Variants in PCDHA7 observed in about 807,000 individuals in gnomAD.
The protein encoded by PCDHA7 is protocadherin alpha-7.
A neutral mutation model predicts 57.2 loss-of-function variants in PCDHA7; 37 were observed. The ratio of observed to expected loss-of-function variants is 0.65; its 90% CI spans 0.50 to 0.85. PCDHA7 has a LOEUF of 0.85. Ranked by LOEUF, PCDHA7 falls within the 40% of genes least tolerant of loss-of-function variation. The pLI, the probability that PCDHA7 is intolerant of heterozygous loss-of-function variation, is 0.00. For synonymous variants in PCDHA7, 553 were observed against 558.8 expected, an observed-to-expected ratio of 0.99 and a Z score of 0.15; for missense variants, 1,188 against 1,241.8, an observed-to-expected ratio of 0.96 and a Z score of 0.65.
intron 1 of PCDHA7, among the ~76,000 whole-genome samples, chr5:140,855,209 T>C (rs951600231): frequency 6.7e-6 from 1 of 149,880 alleles, no homozygotes; most frequent in Non-Finnish European, 1.5e-5. Flanking sequence ...TAGTTTCCAT[T>C]TATGAAGCAC....
rs2150226372 is a variant in PCDHA7 at position 140,834,777 on chromosome 5, G to A, written c.394G>A (p.Val132Met). ...EVKDINDNPP[V>M]FPATQRNLFI... Reference sequence around the variant, plus strand: ...GAAGGACATTAACGACAACCCTCCGGTGTTCCCAGCGACACAAAGGAATCT... The same window carrying A: ...GAAGGACATTAACGACAACCCTCCGATGTTCCCAGCGACACAAAGGAATCT... The change falls in exon 1 of 4, where the codon GTG (valine) becomes ATG (methionine). Residue 132 changes from valine to methionine, a missense_variant. Val to Met is a conservative substitution (Grantham distance 21). Around this residue, in one of 3 missense-constraint regions of PCDHA7, gnomAD observed 194 missense variants for 185.8 expected, o/e 1.04. Transcript: ENST00000525929. The A allele has an allele frequency of 6.2e-7, 1 of 1,613,920 alleles. No individual in the cohort carries two copies. The highest frequency in any genetic ancestry group is 1.7e-5 in the Admixed American group (1 of 59,962).
At chr5:140,853,682 A>C in intron 1 of PCDHA7, 5 of 988,426 alleles carry the variant, frequency 5.1e-6, no homozygotes, top group Non-Finnish European at 6.1e-6. Context: ...TGGTCAACCT[A>C]TCCTTAGACC....
Position 140,856,558 on chromosome 5 carries a change from A to C in PCDHA7, c.2355+19820A>C, listed in dbSNP as rs372031038. ...GAGAGAACGCATTGCTTACTTACAAACTCAGTCCAAATGAGTATTTTGTTC... is the reference window on the plus strand; with the variant it reads ...GAGAGAACGCATTGCTTACTTACAACCTCAGTCCAAATGAGTATTTTGTTC... On this transcript the variant is annotated intron_variant, in intron 1 of 3. Coordinates refer to ENST00000525929, the MANE Select transcript of PCDHA7 (RefSeq NM_018910.3). The C allele has an allele frequency of 1.3e-5, 21 of 1,598,088 alleles. 2 individuals are homozygous for C. The East Asian group carries it at 1.8e-4, about 14-fold the overall frequency.
At position 140,871,619 on chromosome 5, in the gene PCDHA7, A is replaced by G. The variant is rs1214249274; in HGVS notation, c.2355+34881A>G. ...ACCAGTGTTTTGAATATTGTTTTAG[A>G]TAACAATGTCTGTTCATAAAATACC... On this transcript the variant is annotated intron_variant, in intron 1 of 3. Coordinates refer to ENST00000525929, the MANE Select transcript of PCDHA7 (RefSeq NM_018910.3). 17 of 1,415,418 alleles carry G rather than the reference A, an allele frequency of 1.2e-5. No individual in the cohort carries two copies. In the Admixed American group the frequency reaches 3.9e-4, roughly 33 times the overall value. The allele number at this position is 1,415,418 out of a possible 1,614,324, so 87.7% of individuals were successfully genotyped here.
At chr5:140,841,749 C>T in intron 1 of PCDHA7, 1 of 1,613,878 alleles carries the variant, frequency 6.2e-7, no homozygotes, top group Non-Finnish European at 8.5e-7. Flanking sequence ...CTGTTTGTTT[C>T]AGAATCCAGA....
At chr5:141,009,271 A>G (rs1420991909) in intron 3 of PCDHA7, among the ~76,000 whole-genome samples, 15 of 152,156 alleles carry the variant, frequency 9.9e-5, no homozygotes, top group Admixed American at 6.5e-4. Context: ...CCTGGGCAAC[A>G]TAGTGAGATC....
chr5:140,955,386 G>T (rs942993673), intron 1 of PCDHA7, among the ~76,000 whole-genome samples: 4 of 152,080 alleles, frequency 2.6e-5, no homozygotes, highest in African/African-American at 9.7e-5. Flanking sequence ...AATCATGGGG[G>T]CAATTATCCC....
intron 1 of PCDHA7, among the ~76,000 whole-genome samples, chr5:140,892,166 A>G (rs2063413664): frequency 6.6e-6 from 1 of 152,228 alleles, no homozygotes; most frequent in Admixed American, 6.5e-5. Flanking sequence ...TATGTCCAGT[A>G]ACTGGGATCC....
intron 1 of PCDHA7, among the ~76,000 whole-genome samples, chr5:140,946,629 T>TATATATATATATATATATAC (rs1367833800): frequency 1.4e-4 from 17 of 123,272 alleles, no homozygotes; most frequent in African/African-American, 5.1e-4. Context: ...TATATATATA[T>TATATATATATATATATATAC]ATACAATGGA....
chr5:140,919,733 AG>A (rs1426663186), intron 1 of PCDHA7, among the ~76,000 whole-genome samples: 1 of 152,194 alleles, frequency 6.6e-6, no homozygotes, highest in Admixed American at 6.5e-5. Flanking sequence ...TGTTACTTCT[AG>A]ATAGCTTTAT....
At chr5:140,978,528 C>T (rs903940636) in intron 1 of PCDHA7, among the ~76,000 whole-genome samples, 1 of 152,192 alleles carries the variant, frequency 6.6e-6, no homozygotes, top group Non-Finnish European at 1.5e-5. Flanking sequence ...GCCAGGCCAG[C>T]AGAACTTGTG....
chr5:140,870,504 C>G (rs782464928), intron 1 of PCDHA7: 18 of 1,614,232 alleles, frequency 1.1e-5, no homozygotes, highest in Non-Finnish European at 3.4e-6. Context: ...AGGAGAACAA[C>G]CCACCAGGCT....
chr5:140,929,539 G>A (rs155821), intron 1 of PCDHA7: 194,060 of 591,620 alleles, frequency 0.33, 32,601 homozygotes, highest in East Asian at 0.49. Flanking sequence ...TGAGAAACAA[G>A]GGCAAAAATT....
At chr5:140,850,244 G>A (rs2150475347) in intron 1 of PCDHA7, 2 of 1,593,676 alleles carry the variant, frequency 1.3e-6, no homozygotes, top group East Asian at 2.2e-5. Flanking sequence ...TGGTGCTGCG[G>A]TCGGTGGGCG....
chr5:140,925,299 T>C (rs2082428309), intron 1 of PCDHA7, among the ~76,000 whole-genome samples: 1 of 152,200 alleles, frequency 6.6e-6, no homozygotes, highest in African/African-American at 2.4e-5. Context: ...GTTTCATTAT[T>C]GGGGCTTTGG....
intron 3 of PCDHA7, among the ~76,000 whole-genome samples, chr5:141,007,395 C>CAA (rs35800918): frequency 2.8e-4 from 27 of 94,848 alleles, no homozygotes; most frequent in South Asian, 7.0e-4. Context: ...TACTAAAATA[C>CAA]AAAAAAAAAA....
At chr5:140,968,640 C>T (rs2096260908) in intron 1 of PCDHA7, 1 of 1,614,038 alleles carries the variant, frequency 6.2e-7, no homozygotes, top group Admixed American at 1.7e-5. Context: ...TACCATCTAG[C>T]CCAGACTTCT....
intron 1 of PCDHA7, among the ~76,000 whole-genome samples, chr5:140,960,972 T>C (rs936519951): frequency 6.6e-6 from 1 of 152,188 alleles, no homozygotes; most frequent in South Asian, 2.1e-4. Flanking sequence ...GCAGTTGCAA[T>C]TCTTGTTCCA....
chr5:140,981,694 A>C (rs1407083166), intron 2 of PCDHA7, among the ~76,000 whole-genome samples: 1 of 151,154 alleles, frequency 6.6e-6, no homozygotes, highest in Non-Finnish European at 1.5e-5. Context: ...TCCATCATTC[A>C]TTCATTCATT....
Sources: gnomAD v4.1 joint callset for allele counts (sites outside exome capture counted in the v4.1 genomes callset) on GRCh38, gnomAD v4.1.1 for gene constraint, gnomAD v4.1.1 regional missense constraint, MANE v1.5 for transcripts, NCBI Gene and HGNC (gene_info 2026-07-23, HGNC 2026-07-21) for gene names.